The following STK32B variants were observed in gnomAD, a reference collection of about 807,000 sequenced individuals.
STK32B encodes the protein serine/threonine kinase 32B.
A neutral mutation model predicts 52.6 loss-of-function variants in STK32B; 43 were observed. The observed-to-expected ratio is 0.82, with a 90% CI of 0.64 to 1.05. STK32B has a LOEUF of 1.05. Ranked by LOEUF, STK32B falls within the 50% of genes least tolerant of loss-of-function variation. The probability of loss-of-function intolerance (pLI) is 0.00; values close to 1 mark genes in which losing one functional copy is unlikely to be tolerated. For missense variants in STK32B, 621 were observed against 534.6 expected (o/e 1.16, Z -1.59); for synonymous variants, 238 against 204.3 (o/e 1.17, Z -1.41).
At chr4:5,077,910 A>G (rs1712177537) in intron 1 of STK32B, among the ~76,000 whole-genome samples, 1 of 152,162 alleles carries the variant, frequency 6.6e-6, no homozygotes, top group Admixed American at 6.5e-5. Flanking sequence ...CTGTGAGGAT[A>G]TTTCTTGTGT....
At chr4:5,135,479 C>T (rs1340542053) in intron 1 of STK32B, among the ~76,000 whole-genome samples, 3 of 152,174 alleles carry the variant, frequency 2.0e-5, no homozygotes, top group South Asian at 2.1e-4. Flanking sequence ...TTTACTAAGC[C>T]GCTGCTATGT....
At chr4:5,279,758 T>A (rs28766920) in intron 3 of STK32B, among the ~76,000 whole-genome samples, 2,305 of 152,316 alleles carry the variant, frequency 0.015, 37 homozygotes, top group East Asian at 0.071. Flanking sequence ...CTCTTGTGTT[T>A]TGTGCACTCG....
chr4:5,221,218 G>T (rs1217505730), intron 3 of STK32B, among the ~76,000 whole-genome samples: 1 of 152,122 alleles, frequency 6.6e-6, no homozygotes, highest in Admixed American at 6.5e-5. Context: ...ATCCACTTCT[G>T]GAAGGCGGTA....
intron 3 of STK32B, among the ~76,000 whole-genome samples, chr4:5,286,312 C>T (rs898469062): frequency 3.3e-5 from 5 of 152,064 alleles, no homozygotes; most frequent in African/African-American, 7.2e-5. Flanking sequence ...TGTGGAGAGT[C>T]GGATACTTTA....
chr4:5,370,984 A>ATGTG (rs149501017), intron 4 of STK32B, among the ~76,000 whole-genome samples: 58 of 145,356 alleles, frequency 4.0e-4, no homozygotes, highest in Admixed American at 1.2e-3. Context: ...ATATATATAT[A>ATGTG]TGTGTGTGTG....
chr4:5,231,638 AC>A (rs1210353056), intron 3 of STK32B, among the ~76,000 whole-genome samples: 3 of 152,192 alleles, frequency 2.0e-5, no homozygotes, highest in Non-Finnish European at 2.9e-5. Flanking sequence ...AACAAAACAA[AC>A]AAAAAACAAA....
intron 11 of STK32B, among the ~76,000 whole-genome samples, chr4:5,476,636 G>A (rs573249773): frequency 6.6e-6 from 1 of 152,152 alleles, no homozygotes; most frequent in African/African-American, 2.4e-5. Context: ...GGATATGTTG[G>A]AGACCTGTCG....
In STK32B at chr4:5,383,328, C is replaced by T. The variant is rs572857235; in HGVS notation, c.435-14879C>T. Among the ~76,000 whole-genome samples, 17 of 152,346 alleles carry T rather than the reference C, an allele frequency of 1.1e-4. No homozygotes were observed. The South Asian group carries it at 3.1e-3, about 28-fold the overall frequency. ...GAACATGCCTGGCTCCTGGTTCCAC[C>T]TACCCCTGGGACTCAACAGCTGTGA... On this transcript the variant is annotated intron_variant, in intron 4 of 11. Transcript: ENST00000282908.
chr4:5,377,134 C>T (rs1735637710), intron 4 of STK32B, among the ~76,000 whole-genome samples: 1 of 152,176 alleles, frequency 6.6e-6, no homozygotes. Context: ...AGTCTTGATT[C>T]TAGAGGGAGT....
intron 4 of STK32B, among the ~76,000 whole-genome samples, chr4:5,359,217 G>C (rs1248523685): frequency 6.6e-6 from 1 of 152,146 alleles, no homozygotes; most frequent in Non-Finnish European, 1.5e-5. Context: ...CATATTTATA[G>C]GTTGGTGATA....
intron 1 of STK32B, among the ~76,000 whole-genome samples, chr4:5,095,128 C>A (rs1713311579): frequency 6.6e-6 from 1 of 151,992 alleles, no homozygotes; most frequent in Non-Finnish European, 1.5e-5. Context: ...GAGGAGAGGG[C>A]TGTAGGAATG....
At chr4:5,487,813 A>T (rs984513324) in intron 11 of STK32B, among the ~76,000 whole-genome samples, 1 of 152,084 alleles carries the variant, frequency 6.6e-6, no homozygotes, top group Non-Finnish European at 1.5e-5. Context: ...CCCCCTTCTT[A>T]TTTTGGTTTG....
chr4:5,019,491 G>T, the STK32B span: 4 of 1,425,040 alleles, frequency 2.8e-6, no homozygotes, highest in Non-Finnish European at 3.6e-6. Context: ...CTTTATGCAG[G>T]CTGGGGGTGG....
chr4:5,348,290 A>G (rs909599502), intron 4 of STK32B, among the ~76,000 whole-genome samples: 2 of 152,194 alleles, frequency 1.3e-5, no homozygotes, highest in Non-Finnish European at 2.9e-5. Flanking sequence ...GCACTGCTCC[A>G]GAGAGGGAGT....
Position 5,489,330 on chromosome 4 carries a change from T to G in STK32B, c.1107-9615T>G, listed in dbSNP as rs1016808329. Among the ~76,000 whole-genome samples the G allele has an allele frequency of 2.6e-5, 4 of 152,184 alleles. No individual in the cohort carries two copies. In the East Asian group the frequency reaches 7.7e-4, roughly 29 times the overall value. ...AATTTTTTAGCCTGTAAATATCAAT[T>G]GTTTACCTAAGCAAGAACCCTAAAG... is the stretch of plus-strand genomic sequence containing the variant. On this transcript the variant is annotated intron_variant, in intron 11 of 11. Transcript: ENST00000282908.
At chr4:5,102,930 C>T (rs1577070175) in intron 1 of STK32B, among the ~76,000 whole-genome samples, 2 of 108,088 alleles carry the variant, frequency 1.9e-5, no homozygotes, top group Non-Finnish European at 3.8e-5. Context: ...CCTTCTCCTC[C>T]CCTCCCCCCT....
At chr4:5,483,981 A>G (rs1168954900) in intron 11 of STK32B, among the ~76,000 whole-genome samples, 2 of 152,018 alleles carry the variant, frequency 1.3e-5, no homozygotes, top group African/African-American at 2.4e-5. Flanking sequence ...GTTCTTTTAC[A>G]TTTGCTGAGG....
chr4:5,403,870 CTG>C (rs1413484919), intron 5 of STK32B, among the ~76,000 whole-genome samples: 2 of 152,076 alleles, frequency 1.3e-5, no homozygotes, highest in African/African-American at 4.8e-5. Context: ...AGATGGAAGA[CTG>C]AGATGTTTCT....
intron 1 of STK32B, chr4:5,139,685 T>G: frequency 1.8e-6 from 1 of 552,020 alleles, no homozygotes; most frequent in Non-Finnish European, 3.3e-6. Flanking sequence ...AAGTGTGGAG[T>G]GAAGGGAAGG....
Sources: gnomAD v4.1 joint callset for allele counts (sites outside exome capture counted in the v4.1 genomes callset) on GRCh38, gnomAD v4.1.1 for gene constraint, MANE v1.5 for transcripts, NCBI Gene and HGNC (gene_info 2026-07-23, HGNC 2026-07-21) for gene names.